Variants in DCLK2 observed in about 807,000 individuals in gnomAD.
DCLK2 encodes doublecortin like kinase 2, also known as serine/threonine-protein kinase DCLK2.
DCLK2 carries 31 observed loss-of-function variants against 78.4 expected under a neutral mutation model. The observed-to-expected ratio is 0.40, with a 90% confidence interval of 0.30 to 0.53. The LOEUF (loss-of-function observed/expected upper bound fraction) is 0.53, where lower values mean the gene tolerates loss of function less well. DCLK2 is among the 20% of genes least tolerant of loss of function. The pLI is 0.61. For missense variants in DCLK2, 872 were observed against 973.7 expected (o/e 0.90, Z 1.39); for synonymous variants, 407 against 374.9 (o/e 1.09, Z -0.99).
intron 2 of DCLK2, among the ~76,000 whole-genome samples, chr4:150,108,492 C>T (rs912999435): frequency 2.0e-5 from 3 of 151,340 alleles, no homozygotes; most frequent in Non-Finnish European, 2.9e-5. Context: ...TGCAGTGAGC[C>T]GAGATCTCGC....
intron 2 of DCLK2, among the ~76,000 whole-genome samples, chr4:150,173,828 A>G (rs896991534): frequency 9.2e-5 from 14 of 152,274 alleles, no homozygotes; most frequent in Non-Finnish European, 1.9e-4. Flanking sequence ...CAATTCAAAC[A>G]AAAGGAGCAG....
At chr4:150,154,659 G>A (rs6826837) in intron 2 of DCLK2, among the ~76,000 whole-genome samples, 45,425 of 151,926 alleles carry the variant, frequency 0.3, 6,895 homozygotes, top group East Asian at 0.34. Flanking sequence ...ATTTGTTGAA[G>A]CCTCCACTAG....
chr4:150,184,434 T>G (rs1489156455), intron 2 of DCLK2, among the ~76,000 whole-genome samples: 1 of 152,276 alleles, frequency 6.6e-6, no homozygotes, highest in Non-Finnish European at 1.5e-5. Flanking sequence ...ACTAAAATAT[T>G]TAGACTTTAG....
At chr4:150,231,673 G>A (rs1742080997) in intron 8 of DCLK2, among the ~76,000 whole-genome samples, 1 of 152,192 alleles carries the variant, frequency 6.6e-6, no homozygotes, top group Non-Finnish European at 1.5e-5. Flanking sequence ...TGATAATCAG[G>A]TGGTGTTTTC....
intron 2 of DCLK2, among the ~76,000 whole-genome samples, chr4:150,178,490 A>C (rs2150276997): frequency 6.6e-6 from 1 of 151,976 alleles, no homozygotes. Flanking sequence ...CTTCGACCGT[A>C]GATGTGAGAA....
chr4:150,214,972 A>G (rs991272286), intron 5 of DCLK2, among the ~76,000 whole-genome samples: 36 of 144,474 alleles, frequency 2.5e-4, no homozygotes, highest in African/African-American at 1.0e-3. Flanking sequence ...AAAAAAAAAA[A>G]GAAAGAAAAT....
At chr4:150,097,040 G>A (rs1294825531) in intron 1 of DCLK2, among the ~76,000 whole-genome samples, 1 of 152,082 alleles carries the variant, frequency 6.6e-6, no homozygotes, top group Non-Finnish European at 1.5e-5. Flanking sequence ...TCCTGTTAGA[G>A]GGATTTAACT....
chr4:150,203,703 A>G, intron 4 of DCLK2, 92 bp from the exon 5 acceptor site: 2 of 961,960 alleles, frequency 2.1e-6, no homozygotes. Context: ...GCTTCATTGG[A>G]CCTATATTGT....
chr4:150,213,606 T>A (rs1050741655), intron 5 of DCLK2, among the ~76,000 whole-genome samples: 4 of 152,084 alleles, frequency 2.6e-5, no homozygotes, highest in African/African-American at 9.7e-5. Flanking sequence ...TGTATTTTTT[T>A]TTAAAAAAAA....
At chr4:150,162,828 T>C (rs2150246455) in intron 2 of DCLK2, among the ~76,000 whole-genome samples, 1 of 152,232 alleles carries the variant, frequency 6.6e-6, no homozygotes, top group East Asian at 1.9e-4. Context: ...CCTGGGACAT[T>C]GATAAGTTTA....
At chr4:150,121,868 A>G (rs576499908) in intron 2 of DCLK2, among the ~76,000 whole-genome samples, 1 of 152,372 alleles carries the variant, frequency 6.6e-6, no homozygotes, top group African/African-American at 2.4e-5. Context: ...GTACCTCTGC[A>G]TCAGAGCTCT....
intron 8 of DCLK2, among the ~76,000 whole-genome samples, chr4:150,228,998 A>T (rs1741828175): frequency 6.6e-6 from 1 of 151,196 alleles, no homozygotes. Context: ...TGCAGTCCGC[A>T]GTCCGGCCTG....
chr4:150,239,647 A>T (rs1453773994), intron 10 of DCLK2, 95 bp from the exon 11 acceptor site: 1 of 1,439,326 alleles, frequency 6.9e-7, no homozygotes, highest in African/African-American at 1.4e-5. Flanking sequence ...TTTAATAGTA[A>T]ATGTATTTGT....
rs1264201528 is a variant in DCLK2 at position 150,102,644 on chromosome 4, C to G, written c.588C>G (p.Pro196=). 2 of 1,614,130 alleles carry G rather than the reference C, an allele frequency of 1.2e-6. No individual in the cohort carries two copies. The highest frequency in any genetic ancestry group is 1.3e-5 in the African/African-American group (1 of 75,038). The change falls in exon 2 of 16, where the codon CCC becomes CCG. Residue 196 remains proline (P), a synonymous_variant. Coordinates refer to ENST00000296550, the MANE Select transcript of DCLK2 (RefSeq NM_001040260.4). ...EVKESKDFIK[P]KLVTVIRSGV... The stretch of plus-strand genomic sequence containing the variant: ...AAGAAAGTAAAGATTTCATCAAACC[C>G]AAGTTAGTGACTGTGATTCGAAGTG...
At chr4:150,143,789 T>C (rs1211694801) in intron 2 of DCLK2, among the ~76,000 whole-genome samples, 1 of 152,186 alleles carries the variant, frequency 6.6e-6, no homozygotes, top group African/African-American at 2.4e-5. Flanking sequence ...TTAATTTGCA[T>C]TTCTCTGACT....
chr4:150,218,381 C>T (rs575764271), intron 5 of DCLK2, among the ~76,000 whole-genome samples: 1 of 152,280 alleles, frequency 6.6e-6, no homozygotes, highest in African/African-American at 2.4e-5. Flanking sequence ...GTTACTGATC[C>T]ACATGAAAAT....
rs2126502939 is a variant in DCLK2 at position 150,214,905 on chromosome 4, T to C, written c.1057-5798T>C. 2.8e-5 allele frequency among the ~76,000 whole-genome samples: 4 copies of C among 141,288 alleles called. 1 individual carries two copies. In the Middle Eastern group the frequency reaches 0.012, roughly 417 times the overall value. 92.7% of individuals were successfully genotyped at this position (141,288 alleles called of 152,430 possible). Reference sequence around the variant, plus strand: ...TGCACCTGGGAGGCAGAGGTTGCAGTGAGCAGAGATCGTGCCACTGCACTC... The same window carrying C: ...TGCACCTGGGAGGCAGAGGTTGCAGCGAGCAGAGATCGTGCCACTGCACTC... On this transcript the variant is annotated intron_variant, in intron 5 of 15. Transcript: ENST00000296550.
chr4:150,150,109 A>G (rs989115009), intron 2 of DCLK2, among the ~76,000 whole-genome samples: 2 of 152,188 alleles, frequency 1.3e-5, no homozygotes, highest in Admixed American at 1.3e-4. Context: ...GTTTAACTAA[A>G]TGTGTATGAA....
intron 5 of DCLK2, among the ~76,000 whole-genome samples, chr4:150,212,507 T>C (rs1458161492): frequency 6.6e-6 from 1 of 152,250 alleles, no homozygotes; most frequent in African/African-American, 2.4e-5. Flanking sequence ...TGACCACTTC[T>C]CATTACTCCA....
Sources: allele counts gnomAD v4.1 joint callset (sites outside exome capture counted in the v4.1 genomes callset), GRCh38; gene constraint gnomAD v4.1.1; transcripts MANE v1.5; gene names NCBI Gene and HGNC (gene_info 2026-07-23, HGNC 2026-07-21).